ATP11A: variants seen among roughly 807,000 people sequenced by gnomAD.
The protein encoded by ATP11A is phospholipid-transporting ATPase IH.
Under a neutral mutation model 154.4 loss-of-function variants are expected in ATP11A, and 81 were observed. The observed-to-expected ratio is 0.52, with a 90% CI of 0.44 to 0.63. The LOEUF is 0.63. ATP11A is among the 30% of genes least tolerant of loss of function. The probability of loss-of-function intolerance (pLI) is 0.00; values close to 1 mark genes in which losing one functional copy is unlikely to be tolerated. For synonymous variants in ATP11A, 623 were observed against 585.9 expected, an observed-to-expected ratio of 1.06 and a Z score of -0.91; for missense variants, 1,316 against 1,474.3, an observed-to-expected ratio of 0.89 and a Z score of 1.76.
At chr13:112,736,554 A>G (rs1254768219) in intron 1 of ATP11A, among the ~76,000 whole-genome samples, 4 of 152,214 alleles carry the variant, frequency 2.6e-5, no homozygotes, top group Non-Finnish European at 5.9e-5. Context: ...GAAAGAGAAG[A>G]GAGCTGCTGA....
intron 1 of ATP11A, among the ~76,000 whole-genome samples, chr13:112,765,319 T>G (rs553762055): frequency 6.6e-6 from 1 of 152,256 alleles, no homozygotes; most frequent in East Asian, 1.9e-4. Context: ...GGGAGGCCTC[T>G]GAGGACGCCT....
At chr13:112,868,558 C>G (rs1238309109) in intron 25 of ATP11A, among the ~76,000 whole-genome samples, 3 of 152,112 alleles carry the variant, frequency 2.0e-5, no homozygotes, top group African/African-American at 7.2e-5. Context: ...CAGGGTTCCA[C>G]AGAAATCAGA....
chr13:112,702,449 C>T (rs972486742), intron 1 of ATP11A, among the ~76,000 whole-genome samples: 6 of 152,190 alleles, frequency 3.9e-5, no homozygotes, highest in Admixed American at 3.9e-4. Flanking sequence ...AGCAGAGCCT[C>T]GGAAGGCGTG....
chr13:112,799,202 T>A (rs912020825), intron 2 of ATP11A, among the ~76,000 whole-genome samples: 1 of 152,230 alleles, frequency 6.6e-6, no homozygotes, highest in African/African-American at 2.4e-5. Context: ...TCCACTGTTA[T>A]ATTTGGACAC....
intron 29 of ATP11A, among the ~76,000 whole-genome samples, chr13:112,880,023 G>A (rs893874048): frequency 4.6e-5 from 7 of 152,162 alleles, no homozygotes; most frequent in African/African-American, 9.7e-5. Context: ...CCATTCAGAC[G>A]TGCAATTGTG....
Position 112,862,561 on chromosome 13 carries a change from A to G in ATP11A, c.2977A>G (p.Thr993Ala), listed in dbSNP as rs2080144046. The G allele has an allele frequency of 2.4e-5, 39 of 1,614,202 alleles. No homozygotes were observed. The highest frequency in any genetic ancestry group is 3.3e-5 in the Non-Finnish European group (39 of 1,180,022). The change falls in exon 25 of 30, where the codon ACA becomes GCA. Residue 993 changes from threonine (T) to alanine (A), a missense_variant. Thr to Ala is a moderately conservative substitution (Grantham distance 58). Coordinates refer to ENST00000375645, the MANE Select transcript of ATP11A (RefSeq NM_015205.3). ...AYFVFENTTVTSNGQIFGNWT... is the reference protein window; with the variant it reads ...AYFVFENTTVASNGQIFGNWT... ...TTTCGTGTTTGAAAATACAACTGTG[A>G]CAAGCAACGGGCAGGTCAGTACAGA...
chr13:112,712,620 C>T (rs1325840229), intron 1 of ATP11A, among the ~76,000 whole-genome samples: 2 of 152,190 alleles, frequency 1.3e-5, no homozygotes, highest in Non-Finnish European at 2.9e-5. Context: ...CACAGCCCCT[C>T]GACTCCCTGC....
chr13:112,714,755 C>T (rs959341285), intron 1 of ATP11A, among the ~76,000 whole-genome samples: 2 of 152,222 alleles, frequency 1.3e-5, no homozygotes, highest in African/African-American at 2.4e-5. Context: ...AGTGAGGCCA[C>T]TGTGGATCAG....
At chr13:112,717,070 G>A (rs1156991849) in intron 1 of ATP11A, among the ~76,000 whole-genome samples, 1 of 152,200 alleles carries the variant, frequency 6.6e-6, no homozygotes, top group Non-Finnish European at 1.5e-5. Context: ...TGAAATGAGG[G>A]GGAGGCTTCT....
intron 25 of ATP11A, among the ~76,000 whole-genome samples, chr13:112,863,501 G>T (rs577809350): frequency 4.5e-4 from 66 of 147,052 alleles, no homozygotes; most frequent in African/African-American, 1.4e-3. Flanking sequence ...TCCCAGCGGG[G>T]TCCATCACCA....
intron 1 of ATP11A, among the ~76,000 whole-genome samples, chr13:112,715,289 C>T (rs1888288076): frequency 6.6e-6 from 1 of 151,642 alleles, no homozygotes; most frequent in Non-Finnish European, 1.5e-5. Context: ...GAGGCACCAA[C>T]CTGGGGTGAC....
chr13:112,747,518 CT>C (rs1293055248), intron 1 of ATP11A: 1 of 152,268 alleles, frequency 6.6e-6, no homozygotes, highest in East Asian at 1.9e-4. Flanking sequence ...AATAGCCCTA[CT>C]GTAGCTTTTT....
Position 112,826,879 on chromosome 13 carries a change from A to G in ATP11A, c.1209A>G (p.Glu403=). 6.2e-7 allele frequency: 1 copy of G among 1,614,160 alleles called. No homozygotes were observed. The highest frequency in any genetic ancestry group is 8.5e-7 in the Non-Finnish European group (1 of 1,180,012). Residue 403 remains glutamate (E), a synonymous_variant, in exon 12 of 30, where the codon GAA becomes GAG. Transcript: ENST00000375645. ...TGGTGAACACGTCGGACCTCAATGA[A>G]GAGCTGGGACAGGTTGGTGTCTCCT... is the stretch of plus-strand genomic sequence containing the variant. ...GPLVNTSDLN[E]ELGQVEYIFT... is the part of the protein sequence containing the mutation.
At chr13:112,858,508 A>C in intron 22 of ATP11A, 1 of 465,440 alleles carries the variant, frequency 2.1e-6, no homozygotes, top group East Asian at 3.4e-5. Context: ...CCATGCCCAA[A>C]AATATCAAAC....
At chr13:112,802,127 G>A (rs1055549622) in intron 2 of ATP11A, among the ~76,000 whole-genome samples, 3 of 152,106 alleles carry the variant, frequency 2.0e-5, no homozygotes, top group South Asian at 2.1e-4. Flanking sequence ...GGCGGATCAC[G>A]AGGTCAGGAG....
At chr13:112,873,493 C>G in intron 26 of ATP11A, 80 bp from the exon 27 acceptor site, 1 of 1,103,764 alleles carries the variant, frequency 9.1e-7, no homozygotes, top group South Asian at 1.5e-5. Flanking sequence ...TCGTCACCCC[C>G]CGGCTCTCTG....
chr13:112,717,151 C>T (rs1434836317), intron 1 of ATP11A, among the ~76,000 whole-genome samples: 1 of 152,204 alleles, frequency 6.6e-6, no homozygotes, highest in Non-Finnish European at 1.5e-5. Flanking sequence ...TTGAGGACGG[C>T]ACTTGTTCAA....
At chr13:112,781,784 C>CAAAAAAAA (rs748401969) in intron 1 of ATP11A, among the ~76,000 whole-genome samples, 2 of 101,342 alleles carry the variant, frequency 2.0e-5, no homozygotes, top group Non-Finnish European at 4.1e-5. Context: ...TTTCACTTTG[C>CAAAAAAAA]AAAAAAAAAA....
Position 112,850,885 on chromosome 13 carries a change from C to T in ATP11A, c.1810-152C>T, listed in dbSNP as rs116041582. 1,065 of 608,596 alleles carry T rather than the reference C, an allele frequency of 1.7e-3. 9 individuals carry two copies. The highest frequency in any genetic ancestry group is 0.017 in the African/African-American group (932 of 55,628). 37.7% of individuals were successfully genotyped at this position (608,596 alleles called of 1,614,324 possible). The stretch of plus-strand genomic sequence containing the variant: ...TTTGGTTGGATTATAATCTTTCTTT[C>T]TTTGTTTACTTAGTACTGTAAGTTT... On this transcript the variant is annotated intron_variant, in intron 17 of 29. Coordinates refer to ENST00000375645, the MANE Select transcript of ATP11A (RefSeq NM_015205.3).
Sources: gnomAD v4.1 joint callset for allele counts (sites outside exome capture counted in the v4.1 genomes callset) on GRCh38, gnomAD v4.1.1 for gene constraint, MANE v1.5 for transcripts, NCBI Gene and HGNC (gene_info 2026-07-23, HGNC 2026-07-21) for gene names.